PDE3A: variants seen among roughly 807,000 people sequenced by gnomAD.
The protein encoded by PDE3A is cGMP-inhibited 3',5'-cyclic phosphodiesterase 3A.
Under a neutral mutation model 98.3 loss-of-function variants are expected in PDE3A, and 43 were observed. The observed-to-expected ratio is 0.44, with a 90% CI of 0.34 to 0.56. PDE3A has a LOEUF of 0.56. Among genes scored for constraint, PDE3A ranks in the 20% least tolerant of loss-of-function variants. The pLI, the probability that PDE3A is intolerant of heterozygous loss-of-function variation, is 0.01. For missense variants in PDE3A, 1,427 were observed against 1,440.7 expected (o/e 0.99, Z 0.15); for synonymous variants, 663 against 567.9 (o/e 1.17, Z -2.38).
intron 1 of PDE3A, among the ~76,000 whole-genome samples, chr12:20,430,873 A>C (rs756017136): frequency 1.2e-4 from 18 of 152,058 alleles, no homozygotes; most frequent in Non-Finnish European, 7.4e-5. Context: ...CTTTGTGGAG[A>C]GGGATAAGTT....
intron 1 of PDE3A, among the ~76,000 whole-genome samples, chr12:20,503,417 G>C (rs1224211439): frequency 6.6e-6 from 1 of 152,004 alleles, no homozygotes; most frequent in East Asian, 1.9e-4. Flanking sequence ...TTCAGCTACA[G>C]AGGTTGAAAC....
intron 1 of PDE3A, among the ~76,000 whole-genome samples, chr12:20,494,102 A>C (rs1945875857): frequency 6.6e-6 from 1 of 152,236 alleles, no homozygotes. Context: ...AAGTGAAGCA[A>C]GTGAGTTTTG....
intron 1 of PDE3A, among the ~76,000 whole-genome samples, chr12:20,429,825 C>T (rs1441241837): frequency 2.0e-5 from 3 of 151,804 alleles, no homozygotes; most frequent in Non-Finnish European, 4.4e-5. Flanking sequence ...GATACAGAAA[C>T]ATCAAATCCA....
intron 2 of PDE3A, among the ~76,000 whole-genome samples, chr12:20,578,452 C>T (rs915656082): frequency 2.1e-5 from 3 of 143,758 alleles, no homozygotes; most frequent in Non-Finnish European, 4.5e-5. Flanking sequence ...TTAAGTGTCA[C>T]GTTCTGGAGT....
chr12:20,566,171 T>C (rs1314369848), intron 2 of PDE3A, among the ~76,000 whole-genome samples: 2 of 152,038 alleles, frequency 1.3e-5, no homozygotes, highest in African/African-American at 4.8e-5. Context: ...TTTGATTTTC[T>C]AGATCACAGA....
chr12:20,672,920 A>C (rs1371634052), intron 15 of PDE3A, among the ~76,000 whole-genome samples: 1 of 144,774 alleles, frequency 6.9e-6, no homozygotes, highest in Non-Finnish European at 1.5e-5. Flanking sequence ...GCAACCTACA[A>C]AATGGGAGAA....
intron 15 of PDE3A, among the ~76,000 whole-genome samples, chr12:20,656,160 C>A (rs886605688): frequency 1.3e-5 from 2 of 152,120 alleles, no homozygotes; most frequent in Non-Finnish European, 2.9e-5. Context: ...AGATAAAGTA[C>A]AATCTTAATA....
At chr12:20,658,017 G>A (rs1222221354) in intron 15 of PDE3A, among the ~76,000 whole-genome samples, 4 of 152,150 alleles carry the variant, frequency 2.6e-5, no homozygotes, top group Admixed American at 6.5e-5. Flanking sequence ...CAAAGGATTA[G>A]CTTAAAAAGT....
intron 5 of PDE3A, among the ~76,000 whole-genome samples, chr12:20,623,567 A>G (rs559999304): frequency 7.9e-5 from 12 of 152,208 alleles, no homozygotes; most frequent in African/African-American, 2.4e-4. Context: ...ATAGGAGTGA[A>G]CTAAAGACAA....
At chr12:20,480,949 T>C (rs1482507426) in intron 1 of PDE3A, among the ~76,000 whole-genome samples, 1 of 152,248 alleles carries the variant, frequency 6.6e-6, no homozygotes, top group Non-Finnish European at 1.5e-5. Flanking sequence ...ACCAGTGCTC[T>C]GGAGTCTTTC....
chr12:20,641,144 T>C (rs956536124), intron 10 of PDE3A, among the ~76,000 whole-genome samples: 1 of 151,768 alleles, frequency 6.6e-6, no homozygotes, highest in African/African-American at 2.4e-5. Flanking sequence ...GGAATGAATA[T>C]ACACAGCTGT....
chr12:20,418,223 G>A (rs541363323), intron 1 of PDE3A, among the ~76,000 whole-genome samples: 2 of 152,172 alleles, frequency 1.3e-5, no homozygotes, highest in Non-Finnish European at 2.9e-5. Flanking sequence ...TGTAAGCAGG[G>A]GATATCAGTA....
At chr12:20,486,955 C>T (rs1945737123) in intron 1 of PDE3A, among the ~76,000 whole-genome samples, 1 of 152,156 alleles carries the variant, frequency 6.6e-6, no homozygotes, top group African/African-American at 2.4e-5. Flanking sequence ...ATTAAAATCA[C>T]ATGTTTGTTT....
In PDE3A at chr12:20,370,251, A is replaced by G. The variant is rs1225637062; in HGVS notation, c.960+7A>G. The G allele has an allele frequency of 1.5e-5, 23 of 1,520,628 alleles. No homozygotes were observed. The highest frequency in any genetic ancestry group is 2.0e-5 in the Non-Finnish European group (23 of 1,137,022). 94.2% of individuals were successfully genotyped at this position (1,520,628 alleles called of 1,614,324 possible). A position where few individuals can be genotyped will look rare whatever the true frequency, so the allele number is the denominator to read the frequency against. ...CTGTATACCGAGGGAACAGGTAAGC[A>G]CTGGCAACTCCTCTCTCGGCTCTTG... On this transcript the variant is annotated splice_region_variant and intron_variant, in intron 1 of 15. Coordinates refer to ENST00000359062, the MANE Select transcript of PDE3A (RefSeq NM_000921.5).
chr12:20,488,844 A>C (rs1477505426), intron 1 of PDE3A, among the ~76,000 whole-genome samples: 1 of 150,272 alleles, frequency 6.7e-6, no homozygotes, highest in Non-Finnish European at 1.5e-5. Flanking sequence ...TTGCACCACT[A>C]TACTGCAGTC....
intron 1 of PDE3A, among the ~76,000 whole-genome samples, chr12:20,482,768 A>G (rs1945654610): frequency 6.6e-6 from 1 of 152,232 alleles, no homozygotes; most frequent in African/African-American, 2.4e-5. Flanking sequence ...TTTGATGCAG[A>G]GAATGTACTT....
chr12:20,666,055 T>C (rs1945302349), intron 15 of PDE3A, among the ~76,000 whole-genome samples: 1 of 149,658 alleles, frequency 6.7e-6, no homozygotes, highest in Non-Finnish European at 1.5e-5. Flanking sequence ...GCTCACTCCG[T>C]CTCCTGGGTT....
At position 20,552,555 on chromosome 12, in the gene PDE3A, G is replaced by C. The variant is rs936596047; in HGVS notation, c.961-4105G>C. 2.5e-6 allele frequency: 4 copies of C among 1,613,548 alleles called. No homozygotes were observed. Among genetic ancestry groups the C allele is most frequent in the Admixed American group, 1.7e-5 (1 of 59,976 alleles). On this transcript the variant is annotated intron_variant, in intron 1 of 15. Transcript: ENST00000359062. The surrounding 1 kb of genome is among the most constrained non-coding windows in gnomAD (Gnocchi z 5.1). ...AGGGGGGCTTCGCGTCCCCCAGGAC[G>C]GGCAAGGGCAAGTGGAAGCGGAAGT...
chr12:20,660,057 C>A (rs1945128464), intron 15 of PDE3A, among the ~76,000 whole-genome samples: 1 of 152,044 alleles, frequency 6.6e-6, no homozygotes, highest in Non-Finnish European at 1.5e-5. Flanking sequence ...GTGGGAGGGA[C>A]CTGGTGGGAG....
Sources: gnomAD v4.1 joint callset for allele counts (sites outside exome capture counted in the v4.1 genomes callset) on GRCh38, gnomAD v4.1.1 for gene constraint, Gnocchi (gnomAD v3.1) non-coding constraint, MANE v1.5 for transcripts, NCBI Gene and HGNC (gene_info 2026-07-23, HGNC 2026-07-21) for gene names.